Variants in TERF1 observed in about 807,000 individuals in gnomAD.
TERF1 encodes telomeric repeat binding factor 1, also known as telomeric repeat-binding factor 1.
In TERF1, 20 loss-of-function variants were observed where a neutral mutation model predicts 55.1. The observed-to-expected ratio is 0.36, with a 90% CI of 0.26 to 0.53. TERF1 has a LOEUF of 0.53. TERF1 is among the 20% of genes least tolerant of loss of function. TERF1 has a pLI of 0.91. For synonymous variants in TERF1, 168 were observed against 181.2 expected, an observed-to-expected ratio of 0.93 and a Z score of 0.59; for missense variants, 439 against 535.7, an observed-to-expected ratio of 0.82 and a Z score of 1.78.
intron 8 of TERF1, among the ~76,000 whole-genome samples, chr8:73,036,180 A>G (rs1267875483): frequency 6.6e-6 from 1 of 152,256 alleles, no homozygotes; most frequent in Non-Finnish European, 1.5e-5. Flanking sequence ...GCAACAAAAC[A>G]TTGTAACAAA....
intron 2 of TERF1, among the ~76,000 whole-genome samples, chr8:73,019,639 C>T (rs1808667052): frequency 6.6e-6 from 1 of 152,186 alleles, no homozygotes; most frequent in African/African-American, 2.4e-5. Context: ...AAGCAGTCCT[C>T]CCACCTCAGC....
intron 2 of TERF1, among the ~76,000 whole-genome samples, chr8:73,015,920 C>T (rs558827497): frequency 6.6e-6 from 1 of 152,004 alleles, no homozygotes; most frequent in African/African-American, 2.4e-5. Flanking sequence ...TTATTTAACT[C>T]AATATTTCTC....
Position 73,024,253 on chromosome 8 carries a change from A to G in TERF1, c.625-569A>G, listed in dbSNP as rs143179496. Among the ~76,000 whole-genome samples, 43 of 152,354 alleles carry G rather than the reference A, an allele frequency of 2.8e-4. No individual in the cohort carries two copies. In the East Asian group the frequency reaches 6.9e-3, roughly 25 times the overall value. On this transcript the variant is annotated intron_variant, in intron 4 of 9. Coordinates refer to ENST00000276603, the MANE Select transcript of TERF1 (RefSeq NM_017489.3). Reference sequence around the variant, plus strand: ...TTTTTGATCAGTGTAGTACTTTACAATGGCAAAAATAACTACTTCTAGGAA... The same window carrying G: ...TTTTTGATCAGTGTAGTACTTTACAGTGGCAAAAATAACTACTTCTAGGAA...
chr8:73,037,467 A>T (rs965196297), intron 8 of TERF1, among the ~76,000 whole-genome samples: 16 of 125,562 alleles, frequency 1.3e-4, no homozygotes, highest in South Asian at 4.4e-4. Context: ...ATTAACATAT[A>T]AAATATATTA....
At chr8:73,038,439 A>AAG (rs1809695827) in intron 8 of TERF1, among the ~76,000 whole-genome samples, 1 of 152,080 alleles carries the variant, frequency 6.6e-6, no homozygotes, top group Non-Finnish European at 1.5e-5. Flanking sequence ...GCCTAGGCAA[A>AAG]AGAGAGAGAC....
chr8:73,037,791 TATA>T (rs1180824718), intron 8 of TERF1, among the ~76,000 whole-genome samples: 3 of 49,294 alleles, frequency 6.1e-5, no homozygotes, highest in Non-Finnish European at 1.3e-4. Flanking sequence ...ATATATAATA[TATA>T]GTATAATAAT....
At chr8:73,036,286 C>T (rs1027986978) in intron 8 of TERF1, among the ~76,000 whole-genome samples, 1 of 152,172 alleles carries the variant, frequency 6.6e-6, no homozygotes, top group African/African-American at 2.4e-5. Flanking sequence ...ATCTGACTGG[C>T]TATAGAAAAT....
chr8:73,037,273 T>C (rs1460201320), intron 8 of TERF1, among the ~76,000 whole-genome samples: 1 of 137,708 alleles, frequency 7.3e-6, no homozygotes, highest in Non-Finnish European at 1.5e-5. Context: ...ATATAAAACA[T>C]GTTATGAGAA....
At chr8:73,018,386 C>T (rs1808612816) in intron 2 of TERF1, among the ~76,000 whole-genome samples, 1 of 152,168 alleles carries the variant, frequency 6.6e-6, no homozygotes. Flanking sequence ...TTAAAATTCT[C>T]TTTATTCGGT....
chr8:73,034,994 GTCA>G (rs1224244235), intron 8 of TERF1, among the ~76,000 whole-genome samples: 2 of 152,124 alleles, frequency 1.3e-5, no homozygotes, highest in South Asian at 2.1e-4. Context: ...TTAGAAAAAT[GTCA>G]TCAAGTTACA....
chr8:73,027,657 A>C (rs1376164979), intron 6 of TERF1, among the ~76,000 whole-genome samples: 1 of 152,150 alleles, frequency 6.6e-6, no homozygotes, highest in Non-Finnish European at 1.5e-5. Context: ...TAACATTATA[A>C]AGATCTTCTT....
intron 9 of TERF1, among the ~76,000 whole-genome samples, chr8:73,041,409 G>A (rs1259967318): frequency 1.3e-5 from 2 of 152,106 alleles, no homozygotes; most frequent in Non-Finnish European, 2.9e-5. Flanking sequence ...CTAATGTAGT[G>A]GTAAGGTAAG....
chr8:73,044,389 A>G (rs1372708521), intron 9 of TERF1, among the ~76,000 whole-genome samples: 2 of 152,204 alleles, frequency 1.3e-5, no homozygotes, highest in African/African-American at 2.4e-5. Context: ...AAACTTCTGC[A>G]TGGGTTTGGT....
At chr8:73,023,636 T>G (rs987894561) in intron 4 of TERF1, among the ~76,000 whole-genome samples, 7 of 152,170 alleles carry the variant, frequency 4.6e-5, no homozygotes, top group Admixed American at 1.3e-4. Flanking sequence ...TGCTTATACC[T>G]CCCAGAAGAG....
chr8:73,030,389 T>C lies in TERF1; in HGVS notation c.941T>C (p.Leu314Ser). The part of the protein sequence containing the change: ...VTESSEGTVS[L>S]LRSHKNLFLS... ...GAATCCTCAGAGGGTACAGTATCCT[T>C]ATTGAGGTGAAGTAAATTGACGTTT... The change falls in exon 7 of 10, where the codon TTA becomes TCA. Residue 314 changes from leucine to serine, a missense_variant. By Grantham distance (145) the Leu-to-Ser change is moderately radical. This residue lies in a region of TERF1 where 140 missense variants were observed against 158.6 expected (regional missense o/e 0.88). Coordinates refer to ENST00000276603, the MANE Select transcript of TERF1 (RefSeq NM_017489.3). 4 of 1,501,676 alleles carry C rather than the reference T, an allele frequency of 2.7e-6. No individual in the cohort carries two copies. Among genetic ancestry groups the C allele is most frequent in the Non-Finnish European group, 3.5e-6 (4 of 1,131,882 alleles). 93.0% of individuals were successfully genotyped at this position (1,501,676 alleles called of 1,614,324 possible).
At position 73,046,968 on chromosome 8, in the gene TERF1, G is replaced by GA. The variant is rs899968685; in HGVS notation, c.*838dup. 6.6e-6 allele frequency: 1 copy of GA among 152,046 alleles called. No individual in the cohort carries two copies. Among genetic ancestry groups the GA allele is most frequent in the African/African-American group, 2.4e-5 (1 of 41,400 alleles). 9.4% of individuals were successfully genotyped at this position (152,046 alleles called of 1,614,324 possible). A position where few individuals can be genotyped will look rare whatever the true frequency, so the allele number is the denominator to read the frequency against. On this transcript the variant is annotated 3_prime_UTR_variant, in exon 10 of 10. Coordinates refer to ENST00000276603, the MANE Select transcript of TERF1 (RefSeq NM_017489.3). Reference sequence around the variant, plus strand: ...TTTGCTTTCAGTAGTTTCATGTAAAGAAAAAAACTTGAAAATAGTAATACC... The same window carrying GA: ...TTTGCTTTCAGTAGTTTCATGTAAAGAAAAAAAACTTGAAAATAGTAATACC...
At position 73,046,169 on chromosome 8, in the gene TERF1, T is replaced by G; in HGVS notation, c.*32T>G. ...TTGTAAAAGCTTGATGAAAGGACAG[T>G]TAAGTATTTTGATCACTGCATTTTG... On this transcript the variant is annotated 3_prime_UTR_variant, in exon 10 of 10. Coordinates refer to ENST00000276603, the MANE Select transcript of TERF1 (RefSeq NM_017489.3). 1 of 1,504,612 alleles carries G rather than the reference T, an allele frequency of 6.6e-7. No individual in the cohort carries two copies. Among genetic ancestry groups the G allele is most frequent in the Admixed American group, 2.4e-5 (1 of 42,222 alleles). 93.2% of individuals were successfully genotyped at this position (1,504,612 alleles called of 1,614,324 possible).
At chr8:73,012,806 A>T (rs1320482743) in intron 1 of TERF1, 3 of 417,724 alleles carry the variant, frequency 7.2e-6, no homozygotes, top group Non-Finnish European at 1.5e-5. Flanking sequence ...TACTCATTAA[A>T]ATTTTAATTA....
chr8:73,026,637 AT>A (rs34434440), intron 5 of TERF1, among the ~76,000 whole-genome samples: 36,617 of 148,036 alleles, frequency 0.25, 4,429 homozygotes, highest in Middle Eastern at 0.31. Flanking sequence ...TAGAATTTTT[AT>A]TTTTTTTTTT....
Sources: allele counts gnomAD v4.1 joint callset (sites outside exome capture counted in the v4.1 genomes callset), GRCh38; gene constraint gnomAD v4.1.1; regional missense constraint gnomAD v4.1.1; transcripts MANE v1.5; gene names NCBI Gene and HGNC (gene_info 2026-07-23, HGNC 2026-07-21).